P2RY6: variants seen among roughly 807,000 people sequenced by gnomAD.
The protein encoded by P2RY6 is pyrimidinergic receptor P2Y6.
A neutral mutation model predicts 16.3 loss-of-function variants in P2RY6; 19 were observed. The ratio of observed to expected loss-of-function variants is 1.16; its 90% CI spans 0.81 to 1.71. P2RY6 has a LOEUF of 1.71. Among genes scored for constraint, P2RY6 ranks in the 40% most tolerant of loss-of-function variants. The pLI is 0.00. For synonymous variants in P2RY6, 184 were observed against 201.5 expected (o/e 0.91, Z 0.74); for missense variants, 389 against 455.5 (o/e 0.85, Z 1.33).
intron 1 of P2RY6, among the ~76,000 whole-genome samples, chr11:73,291,500 G>A (rs1864244676): frequency 6.6e-6 from 1 of 152,230 alleles, no homozygotes; most frequent in Non-Finnish European, 1.5e-5. Context: ...CACTCAGCTG[G>A]CAGAAGTGAC....
intron 1 of P2RY6, among the ~76,000 whole-genome samples, chr11:73,277,444 A>G (rs1018627935): frequency 6.6e-6 from 1 of 152,228 alleles, no homozygotes; most frequent in African/African-American, 2.4e-5. Context: ...AAGTATGAAG[A>G]AAGTGGGAAG....
chr11:73,282,012 C>T (rs1004265236), intron 1 of P2RY6, among the ~76,000 whole-genome samples: 1 of 152,192 alleles, frequency 6.6e-6, no homozygotes, highest in Non-Finnish European at 1.5e-5. Flanking sequence ...CCACCAGCTC[C>T]CTGCAGGGCT....
chr11:73,272,307 G>A, upstream of P2RY6: 1 of 984,052 alleles, frequency 1.0e-6, no homozygotes, highest in Non-Finnish European at 1.2e-6. Context: ...CTCTCCCCAG[G>A]TCTCTCGGTT....
chr11:73,295,685 G>C lies in P2RY6; in HGVS notation c.-120-45G>C, dbSNP rs1467288161. On this transcript the variant is annotated intron_variant, in intron 1 of 2. Coordinates refer to ENST00000540124, the MANE Select transcript of P2RY6 (RefSeq NM_001277204.2). ...CTGCCTTTGTAGCCTCAAGTGGAAA[G>C]AAGCCTTGGGGAACTGGGTATCACC... 1.0e-5 allele frequency: 8 copies of C among 792,452 alleles called. No individual in the cohort carries two copies. The Admixed American group carries it at 4.4e-4, about 43-fold the overall frequency. 49.1% of individuals were successfully genotyped at this position (792,452 alleles called of 1,614,324 possible).
intron 1 of P2RY6, among the ~76,000 whole-genome samples, chr11:73,266,165 G>A (rs866763004): frequency 6.6e-6 from 1 of 152,156 alleles, no homozygotes; most frequent in Admixed American, 6.5e-5. Flanking sequence ...TATCTCTGAG[G>A]GATCCTTTCC....
chr11:73,285,323 C>T (rs1280932692), intron 1 of P2RY6, among the ~76,000 whole-genome samples: 3 of 152,268 alleles, frequency 2.0e-5, no homozygotes, highest in African/African-American at 7.2e-5. Flanking sequence ...ATCCTCCCGC[C>T]TTGGCCTCCC....
At position 73,293,898 on chromosome 11, in the gene P2RY6, G is replaced by C. The variant is rs543231721; in HGVS notation, c.-120-1832G>C. Among the ~76,000 whole-genome samples, 3 of 151,952 alleles carry C rather than the reference G, an allele frequency of 2.0e-5. No homozygotes were observed. The East Asian group carries it at 5.9e-4, about 30-fold the overall frequency. On this transcript the variant is annotated intron_variant, in intron 1 of 2. Coordinates refer to ENST00000540124, the MANE Select transcript of P2RY6 (RefSeq NM_001277204.2). ...TCCCAAAGGGAGGTTGAGGGATGCA[G>C]CACCCCTCTAGCATGTTCTCCTCCT...
At chr11:73,291,689 C>T (rs760496617) in intron 1 of P2RY6, among the ~76,000 whole-genome samples, 2 of 152,240 alleles carry the variant, frequency 1.3e-5, no homozygotes, top group South Asian at 4.1e-4. Flanking sequence ...CCTTTAAAGG[C>T]ACCTTCAGCT....
At chr11:73,277,041 C>A (rs1245272931) in intron 1 of P2RY6, among the ~76,000 whole-genome samples, 2 of 151,950 alleles carry the variant, frequency 1.3e-5, no homozygotes, top group Admixed American at 6.6e-5. Flanking sequence ...TCTTCAGGGG[C>A]TTAGGTCCAG....
rs1864490539 is a variant in P2RY6 at position 73,296,563 on chromosome 11, C to G, written c.45C>G (p.Pro15=). ...NGTGQALGLP[P]TTCVYRENFK... is the part of the protein sequence containing the mutation. ...CAGGCCAGGCTCTGGGCTTGCCACC[C>G]ACCACCTGTGTCTACCGCGAGAACT... Residue 15 remains proline (P), a synonymous_variant, in exon 3 of 3, where the codon CCC becomes CCG. Coordinates refer to ENST00000540124, the MANE Select transcript of P2RY6 (RefSeq NM_001277204.2). 1 of 1,614,092 alleles carries G rather than the reference C, an allele frequency of 6.2e-7. No homozygotes were observed. Among genetic ancestry groups the G allele is most frequent in the African/African-American group, 1.3e-5 (1 of 74,946 alleles).
At chr11:73,284,334 T>C (rs1302374293) in intron 1 of P2RY6, among the ~76,000 whole-genome samples, 1 of 152,068 alleles carries the variant, frequency 6.6e-6, no homozygotes, top group Non-Finnish European at 1.5e-5. Flanking sequence ...TCCTGGGTCC[T>C]GGTGGGGAGG....
chr11:73,280,819 G>A (rs904220121), intron 1 of P2RY6, among the ~76,000 whole-genome samples: 3 of 152,210 alleles, frequency 2.0e-5, no homozygotes, highest in African/African-American at 4.8e-5. Flanking sequence ...AATGGGAGCT[G>A]AGAGTGGAGA....
intron 1 of P2RY6, among the ~76,000 whole-genome samples, chr11:73,276,091 G>A (rs1216947980): frequency 1.1e-4 from 17 of 152,180 alleles, no homozygotes. Context: ...AGGCCTCAGA[G>A]CATACCATTA....
Position 73,293,759 on chromosome 11 carries a change from G to A in P2RY6, c.-120-1971G>A, listed in dbSNP as rs566000742. On this transcript the variant is annotated intron_variant, in intron 1 of 2. Transcript: ENST00000540124. ...CCCCCTGCCTCCTTCCAAGAGGGAGGGGAGGGGGTCCCAGGAGGATCAGTC... is the reference window on the plus strand; with the variant it reads ...CCCCCTGCCTCCTTCCAAGAGGGAGAGGAGGGGGTCCCAGGAGGATCAGTC... Among the ~76,000 whole-genome samples, 15 of 152,288 alleles carry A rather than the reference G, an allele frequency of 9.8e-5. No homozygotes were observed. The East Asian group carries it at 2.1e-3, about 22-fold the overall frequency.
chr11:73,282,723 T>C (rs1863814453), intron 1 of P2RY6, among the ~76,000 whole-genome samples: 2 of 152,052 alleles, frequency 1.3e-5, no homozygotes, highest in South Asian at 4.1e-4. Context: ...GCCTGCATAT[T>C]GTAAGACTCC....
At chr11:73,290,309 AAG>A (rs1491311696) in intron 1 of P2RY6, among the ~76,000 whole-genome samples, 1 of 71,556 alleles carries the variant, frequency 1.4e-5, no homozygotes, top group Non-Finnish European at 3.1e-5. Flanking sequence ...AAAGAAAAGA[AAG>A]AAAGAAAGAA....
At chr11:73,293,049 C>A in intron 1 of P2RY6, 1 of 397,806 alleles carries the variant, frequency 2.5e-6, no homozygotes, top group Non-Finnish European at 3.4e-6. Context: ...AAAGGAGGGC[C>A]ACAGAGTTAG....
chr11:73,292,038 G>A (rs1864272863), intron 1 of P2RY6, among the ~76,000 whole-genome samples: 1 of 152,242 alleles, frequency 6.6e-6, no homozygotes, highest in South Asian at 2.1e-4. Context: ...CTGGGACAGT[G>A]AGGAGCCACA....
At chr11:73,290,319 G>GAAAA (rs759537804) in intron 1 of P2RY6, among the ~76,000 whole-genome samples, 1 of 110,778 alleles carries the variant, frequency 9.0e-6, no homozygotes. Context: ...AAGAAAGAAA[G>GAAAA]AAAGAAAGAA....
Sources: allele counts gnomAD v4.1 joint callset (sites outside exome capture counted in the v4.1 genomes callset), GRCh38; gene constraint gnomAD v4.1.1; transcripts MANE v1.5; gene names NCBI Gene and HGNC (gene_info 2026-07-23, HGNC 2026-07-21).